Variants in TASP1 observed in about 807,000 individuals in gnomAD.
TASP1 encodes the protein taspase 1.
TASP1 carries 16 observed loss-of-function variants against 56.6 expected under a neutral mutation model. The observed-to-expected ratio is 0.28, with a 90% CI of 0.19 to 0.43. The LOEUF is 0.43. TASP1 is among the 20% of genes least tolerant of loss of function. The pLI is 1.00. For missense variants in TASP1, 393 were observed against 511.6 expected (o/e 0.77, Z 2.24); for synonymous variants, 179 against 184.2 (o/e 0.97, Z 0.23).
At chr20:13,524,757 G>A (rs1294919220) in intron 10 of TASP1, among the ~76,000 whole-genome samples, 1 of 152,072 alleles carries the variant, frequency 6.6e-6, no homozygotes, top group Non-Finnish European at 1.5e-5. Context: ...TAATCCTCCA[G>A]GCATTACATG....
chr20:13,599,377 G>A (rs1485205825), intron 4 of TASP1, among the ~76,000 whole-genome samples: 1 of 152,142 alleles, frequency 6.6e-6, no homozygotes, highest in African/African-American at 2.4e-5. Flanking sequence ...GTCCTTTGCA[G>A]GGACATGGAA....
At chr20:13,422,158 A>C (rs1216445808) in intron 12 of TASP1, among the ~76,000 whole-genome samples, 2 of 151,998 alleles carry the variant, frequency 1.3e-5, no homozygotes, top group African/African-American at 4.8e-5. Context: ...TCACTGTGTT[A>C]GCCAGGATGG....
chr20:13,425,012 G>T (rs187959731), intron 12 of TASP1, among the ~76,000 whole-genome samples: 2 of 152,288 alleles, frequency 1.3e-5, no homozygotes, highest in Non-Finnish European at 2.9e-5. Context: ...TGAGCTGCAC[G>T]TGTGCACTTC....
At chr20:13,547,069 C>A (rs982891163) in intron 8 of TASP1, among the ~76,000 whole-genome samples, 1 of 152,136 alleles carries the variant, frequency 6.6e-6, no homozygotes, top group African/African-American at 2.4e-5. Context: ...ATATTCAAAT[C>A]ATCAGCTGTA....
chr20:13,390,147 T>TACGCGCACAC lies in TASP1; in HGVS notation c.*203_*212dup, dbSNP rs2041218063. On this transcript the variant is annotated 3_prime_UTR_variant, in exon 14 of 14. Transcript: ENST00000337743. The stretch of plus-strand genomic sequence containing the variant: ...CCACACATACACATATGTGCGCACA[T>TACGCGCACAC]ACGCGCACACACTCACACACAGTCC... 1.9e-6 allele frequency: 1 copy of TACGCGCACAC among 520,506 alleles called. No individual in the cohort carries two copies. The highest frequency in any genetic ancestry group is 1.9e-5 in the African/African-American group (1 of 51,884). The allele number at this position is 520,506 out of a possible 1,614,324, so 32.2% of individuals were successfully genotyped here. A position where few individuals can be genotyped will look rare whatever the true frequency, so the allele number is the denominator to read the frequency against.
At chr20:13,372,674 CTA>C in the TASP1 span, among the ~76,000 whole-genome samples, 4 of 151,614 alleles carry the variant, frequency 2.6e-5, no homozygotes, top group Non-Finnish European at 4.4e-5. Context: ...TAATTGTTTT[CTA>C]TATGTCTCAT....
chr20:13,419,095 T>G (rs566161388), intron 12 of TASP1, among the ~76,000 whole-genome samples: 2 of 152,300 alleles, frequency 1.3e-5, no homozygotes, highest in East Asian at 1.9e-4. Flanking sequence ...TAGACAGTAG[T>G]GTTGTATCAA....
At chr20:13,590,147 G>A (rs1350130921) in intron 4 of TASP1, among the ~76,000 whole-genome samples, 13 of 152,052 alleles carry the variant, frequency 8.5e-5, no homozygotes, top group African/African-American at 2.9e-4. Flanking sequence ...CACGAGAATC[G>A]CTTGAACCCA....
At chr20:13,270,953 C>G in the TASP1 span, among the ~76,000 whole-genome samples, 1 of 152,094 alleles carries the variant, frequency 6.6e-6, no homozygotes, top group Non-Finnish European at 1.5e-5. Flanking sequence ...TTGTGAACCA[C>G]TCAAAAGAAG....
the TASP1 span, among the ~76,000 whole-genome samples, chr20:13,160,746 T>G: frequency 6.6e-6 from 1 of 152,310 alleles, no homozygotes; most frequent in East Asian, 1.9e-4. Context: ...ATGTGCAAAC[T>G]TGGGGCAAAA....
At chr20:13,630,687 C>CAAAAAA (rs33973259) in intron 1 of TASP1, among the ~76,000 whole-genome samples, 4 of 65,528 alleles carry the variant, frequency 6.1e-5, no homozygotes, top group East Asian at 4.5e-4. Context: ...AGCTCTGTCT[C>CAAAAAA]AAAAAAAAAA....
chr20:13,618,377 C>T (rs1250273221), intron 4 of TASP1, among the ~76,000 whole-genome samples: 3 of 152,194 alleles, frequency 2.0e-5, no homozygotes, highest in Non-Finnish European at 2.9e-5. Context: ...CATACCACTG[C>T]ACTCCAGCCT....
intron 12 of TASP1, among the ~76,000 whole-genome samples, chr20:13,424,170 T>A (rs552632816): frequency 9.8e-5 from 15 of 152,300 alleles, no homozygotes; most frequent in East Asian, 9.6e-4. Flanking sequence ...AAGTTTTTTT[T>A]AAAATAAATA....
At chr20:13,291,059 T>G in the TASP1 span, among the ~76,000 whole-genome samples, 1 of 152,222 alleles carries the variant, frequency 6.6e-6, no homozygotes, top group African/African-American at 2.4e-5. Context: ...TCCTGTTGTT[T>G]TCTCTTCCAG....
intron 5 of TASP1, among the ~76,000 whole-genome samples, chr20:13,584,923 C>A (rs1431598349): frequency 6.6e-6 from 1 of 152,052 alleles, no homozygotes; most frequent in African/African-American, 2.4e-5. Flanking sequence ...AAGAAAACCC[C>A]GTTAATTTGA....
the TASP1 span, among the ~76,000 whole-genome samples, chr20:13,366,633 C>G: frequency 6.6e-6 from 1 of 152,136 alleles, no homozygotes; most frequent in Non-Finnish European, 1.5e-5. Flanking sequence ...CTTTCTCCTG[C>G]CCAGGGAAAG....
chr20:13,495,982 G>A (rs1375405811), intron 10 of TASP1, among the ~76,000 whole-genome samples: 1 of 151,978 alleles, frequency 6.6e-6, no homozygotes, highest in Non-Finnish European at 1.5e-5. Context: ...AAACCACATG[G>A]CTATAATTTT....
At chr20:13,223,181 A>G in the TASP1 span, among the ~76,000 whole-genome samples, 5 of 147,514 alleles carry the variant, frequency 3.4e-5, no homozygotes, top group African/African-American at 1.3e-4. Flanking sequence ...ATAAAATAAA[A>G]TAAAATAAAA....
intron 10 of TASP1, among the ~76,000 whole-genome samples, chr20:13,504,851 C>T (rs2044072084): frequency 1.3e-5 from 2 of 151,958 alleles, no homozygotes; most frequent in South Asian, 4.2e-4. Flanking sequence ...CATGACATTA[C>T]AGAAAGTCAT....
Sources: allele counts gnomAD v4.1 joint callset (sites outside exome capture counted in the v4.1 genomes callset), GRCh38; gene constraint gnomAD v4.1.1; transcripts MANE v1.5; gene names NCBI Gene and HGNC (gene_info 2026-07-23, HGNC 2026-07-21).